Variants in TPD52 observed in about 807,000 individuals in gnomAD.
The protein encoded by TPD52 is tumor protein D52, also known as prostate and colon associated protein.
TPD52 carries 17 observed loss-of-function variants against 31.3 expected under a neutral mutation model. That is an observed-to-expected ratio of 0.54 (90% CI 0.37 to 0.82). TPD52 has a LOEUF of 0.82. Ranked by LOEUF, TPD52 falls within the 40% of genes least tolerant of loss-of-function variation. TPD52 has a pLI of 0.00. For missense variants in TPD52, 212 were observed against 240.1 expected, an observed-to-expected ratio of 0.88 and a Z score of 0.77; for synonymous variants, 83 against 89.6, an observed-to-expected ratio of 0.93 and a Z score of 0.42.
At chr8:80,078,982 C>G (rs963237585) in intron 1 of TPD52, among the ~76,000 whole-genome samples, 1 of 152,150 alleles carries the variant, frequency 6.6e-6, no homozygotes. Flanking sequence ...TCCTGGGAAT[C>G]TGGATGCTTG....
intron 1 of TPD52, among the ~76,000 whole-genome samples, chr8:80,068,385 C>T (rs1310712234): frequency 6.6e-6 from 1 of 152,170 alleles, no homozygotes. Context: ...GACAAGGAAA[C>T]AGGGCCTAGT....
chr8:80,050,887 C>T (rs944040960), intron 4 of TPD52, among the ~76,000 whole-genome samples: 2 of 151,650 alleles, frequency 1.3e-5, no homozygotes, highest in Non-Finnish European at 2.9e-5. Flanking sequence ...CTGACTTAAA[C>T]CACATTTGTC....
intron 1 of TPD52, among the ~76,000 whole-genome samples, chr8:80,089,602 G>C (rs1401285350): frequency 6.6e-6 from 1 of 152,176 alleles, no homozygotes; most frequent in Non-Finnish European, 1.5e-5. Context: ...GGAAAAATTA[G>C]TGAACACCTA....
chr8:80,118,100 A>G (rs1371399258), intron 1 of TPD52, among the ~76,000 whole-genome samples: 3 of 152,206 alleles, frequency 2.0e-5, no homozygotes, highest in Middle Eastern at 3.2e-3. Context: ...TGTTATAGAT[A>G]TAAGAATAGA....
At chr8:80,152,712 G>C (rs996618855) in intron 1 of TPD52, among the ~76,000 whole-genome samples, 2 of 143,652 alleles carry the variant, frequency 1.4e-5, no homozygotes, top group South Asian at 4.5e-4. Flanking sequence ...ATCTTGGGGG[G>C]CAGATGTTGT....
At chr8:80,139,465 A>G (rs2131133317) in intron 1 of TPD52, among the ~76,000 whole-genome samples, 1 of 152,356 alleles carries the variant, frequency 6.6e-6, no homozygotes, top group South Asian at 2.1e-4. Context: ...AAAACATTTA[A>G]AATTATAAAC....
At position 80,092,830 on chromosome 8, in the gene TPD52, T is replaced by C. The variant is rs566520013; in HGVS notation, c.20-28237A>G. 2.7e-5 allele frequency among the ~76,000 whole-genome samples: 4 copies of C among 150,746 alleles called. No individual in the cohort carries two copies. In the South Asian group the frequency reaches 8.4e-4, roughly 32 times the overall value. The stretch of plus-strand genomic sequence containing the variant: ...AGAGGTGAGATTGTCACTCACACTT[T>C]AAATTACTGCCAGAGGCTGGGAAGA... On this transcript the variant is annotated intron_variant, in intron 1 of 7. Coordinates refer to ENST00000518937, the MANE Select transcript of TPD52 (RefSeq NM_001025253.3).
At chr8:80,113,807 A>G (rs1729980340) in intron 1 of TPD52, among the ~76,000 whole-genome samples, 1 of 152,236 alleles carries the variant, frequency 6.6e-6, no homozygotes, top group Non-Finnish European at 1.5e-5. Flanking sequence ...AATGTTCACA[A>G]CACAAAGAAA....
chr8:80,115,689 T>C (rs1361618492), intron 1 of TPD52, among the ~76,000 whole-genome samples: 2 of 152,238 alleles, frequency 1.3e-5, no homozygotes, highest in African/African-American at 4.8e-5. Context: ...ACTTTTCTTA[T>C]TCTCTATGAA....
chr8:80,062,839 T>G (rs1015851436), intron 2 of TPD52, among the ~76,000 whole-genome samples: 1 of 152,074 alleles, frequency 6.6e-6, no homozygotes, highest in South Asian at 2.1e-4. Flanking sequence ...CATAATGGCA[T>G]GTACCTGGAG....
intron 4 of TPD52, chr8:80,051,280 C>A (rs1293287411): frequency 5.8e-6 from 3 of 520,710 alleles, no homozygotes; most frequent in Non-Finnish European, 1.0e-5. Context: ...ACTAAAAAGA[C>A]AAAGAAGTTC....
At position 80,034,881 on chromosome 8, in the gene TPD52, A is replaced by G. The variant is rs1300293237; in HGVS notation, c.*3235T>C. 1 of 152,240 alleles carries G rather than the reference A, an allele frequency of 6.6e-6. No homozygotes were observed. Among genetic ancestry groups the G allele is most frequent in the Non-Finnish European group, 1.5e-5 (1 of 68,044 alleles). The allele number at this position is 152,240 out of a possible 1,614,324, so 9.4% of individuals were successfully genotyped here. A position where few individuals can be genotyped will look rare whatever the true frequency, so the allele number is the denominator to read the frequency against. On this transcript the variant is annotated 3_prime_UTR_variant, in exon 8 of 8. Coordinates refer to ENST00000518937, the MANE Select transcript of TPD52 (RefSeq NM_001025253.3). The stretch of plus-strand genomic sequence containing the variant: ...AGCTGGCAAGAATTTTAGTTGCCAA[A>G]TAGCATTTATTTGAGTACAAAATCC...
intron 1 of TPD52, among the ~76,000 whole-genome samples, chr8:80,090,496 G>T (rs1487888639): frequency 1.3e-5 from 2 of 152,228 alleles, no homozygotes; most frequent in East Asian, 3.8e-4. Context: ...CAGGGATGCT[G>T]TCCCTCACCC....
At position 80,086,819 on chromosome 8, in the gene TPD52, A is replaced by T. The variant is rs527816181; in HGVS notation, c.20-22226T>A. On this transcript the variant is annotated intron_variant, in intron 1 of 7. Coordinates refer to ENST00000518937, the MANE Select transcript of TPD52 (RefSeq NM_001025253.3). ...AACCCGGGAAGCGGAGATTGCAGTG[A>T]GCTGAGATCGTGCCACTGCATCCCA... Among the ~76,000 whole-genome samples the T allele has an allele frequency of 7.5e-4, 98 of 130,970 alleles. 1 individual carries two copies. Among genetic ancestry groups the T allele is most frequent in the Middle Eastern group, 4.5e-3 (1 of 224 alleles). 85.9% of individuals were successfully genotyped at this position (130,970 alleles called of 152,430 possible). A position where few individuals can be genotyped will look rare whatever the true frequency, so the allele number is the denominator to read the frequency against.
intron 1 of TPD52, among the ~76,000 whole-genome samples, chr8:80,095,355 G>A (rs764932221): frequency 6.6e-6 from 1 of 152,134 alleles, no homozygotes; most frequent in Non-Finnish European, 1.5e-5. Flanking sequence ...TGGTTACCAA[G>A]GGCTGAGGGG....
intron 5 of TPD52, among the ~76,000 whole-genome samples, chr8:80,045,470 T>G (rs1374834270): frequency 6.6e-6 from 1 of 152,206 alleles, no homozygotes; most frequent in East Asian, 1.9e-4. Flanking sequence ...TGAAGACAAT[T>G]AAGACTCTTA....
chr8:80,038,442 T>C (rs1810068099), intron 7 of TPD52, among the ~76,000 whole-genome samples: 1 of 152,190 alleles, frequency 6.6e-6, no homozygotes, highest in Non-Finnish European at 1.5e-5. Flanking sequence ...TGCTGAAATA[T>C]TCAGATTGGT....
Position 80,118,473 on chromosome 8 carries a change from G to A in TPD52, c.19+52952C>T, listed in dbSNP as rs151003284. ...AAATCTTTTATGCTTCAAGCACACC[G>A]TCAACGAAGTGAAAAGACAACCCAC... On this transcript the variant is annotated intron_variant, in intron 1 of 7. Transcript: ENST00000518937. 9.2e-5 allele frequency among the ~76,000 whole-genome samples: 14 copies of A among 152,294 alleles called. No homozygotes were observed. In the East Asian group the frequency reaches 1.7e-3, roughly 19 times the overall value.
At chr8:80,147,785 C>G (rs539834623) in intron 1 of TPD52, among the ~76,000 whole-genome samples, 7 of 151,932 alleles carry the variant, frequency 4.6e-5, no homozygotes, top group Admixed American at 3.3e-4. Flanking sequence ...CAAGCCTCTT[C>G]AAGACAGTGG....
Sources: allele counts gnomAD v4.1 joint callset (sites outside exome capture counted in the v4.1 genomes callset), GRCh38; gene constraint gnomAD v4.1.1; transcripts MANE v1.5; gene names NCBI Gene and HGNC (gene_info 2026-07-23, HGNC 2026-07-21).